CACNA1E: variants seen among roughly 807,000 people sequenced by gnomAD.
CACNA1E encodes voltage-dependent R-type calcium channel subunit alpha-1E.
CACNA1E carries 40 observed loss-of-function variants against 259.2 expected under a neutral mutation model. That is an observed-to-expected ratio of 0.15 (90% CI 0.12 to 0.20). The LOEUF is 0.20. CACNA1E is among the 10% of genes least tolerant of loss of function. The pLI, the probability that CACNA1E is intolerant of heterozygous loss-of-function variation, is 1.00. For synonymous variants in CACNA1E, 1,104 were observed against 1,138.5 expected (o/e 0.97, Z 0.61); for missense variants, 1,874 against 3,040.1 (o/e 0.62, Z 9.02).
intron 2 of CACNA1E, among the ~76,000 whole-genome samples, chr1:181,465,017 C>T (rs1334712827): frequency 6.6e-6 from 1 of 152,038 alleles, no homozygotes; most frequent in African/African-American, 2.4e-5. Context: ...TCTTTTCTTC[C>T]ATTTAAATTT....
chr1:181,318,640 G>T (rs1650101050), intron 1 of CACNA1E, among the ~76,000 whole-genome samples: 1 of 152,226 alleles, frequency 6.6e-6, no homozygotes, highest in Non-Finnish European at 1.5e-5. Flanking sequence ...GGGAAGTTTT[G>T]TGCGCGGATC....
intron 1 of CACNA1E, among the ~76,000 whole-genome samples, chr1:181,504,701 G>T (rs1000790597): frequency 7.2e-5 from 11 of 152,232 alleles, no homozygotes; most frequent in Non-Finnish European, 1.3e-4. Flanking sequence ...TGTGCTTCAA[G>T]AAGGAAATGA....
chr1:181,774,882 A>G (rs1659839342), intron 37 of CACNA1E, among the ~76,000 whole-genome samples: 1 of 152,258 alleles, frequency 6.6e-6, no homozygotes, highest in Non-Finnish European at 1.5e-5. Flanking sequence ...TACAAGAGAC[A>G]GAAAGCCCAG....
At position 181,324,254 on chromosome 1, in the gene CACNA1E, A is replaced by G. The variant is rs528649106; in HGVS notation, c.-15+6131A>G. Among the ~76,000 whole-genome samples, 12 of 152,362 alleles carry G rather than the reference A, an allele frequency of 7.9e-5. No individual in the cohort carries two copies. The South Asian group carries it at 2.5e-3, about 32-fold the overall frequency. ...AAACCATACATAGATAAGTAGATTT[A>G]GAAAAAAAATCAGACCGTAATGAAT... On this transcript the variant is annotated intron_variant, in intron 1 of 11. Coordinates refer to the CACNA1E transcript ENST00000524607.
chr1:181,635,114 T>C (rs1011291220), intron 6 of CACNA1E, among the ~76,000 whole-genome samples: 10 of 152,244 alleles, frequency 6.6e-5, no homozygotes, highest in African/African-American at 2.4e-4. Flanking sequence ...ACCTTTATGC[T>C]ATGAAGCAGC....
chr1:181,777,565 T>A, intron 38 of CACNA1E, among the ~76,000 whole-genome samples: 1 of 152,192 alleles, frequency 6.6e-6, no homozygotes, highest in Admixed American at 6.5e-5. Context: ...AATAAATAGA[T>A]CTTAGAAAGC....
chr1:181,601,008 G>A (rs1274690099), intron 6 of CACNA1E, among the ~76,000 whole-genome samples: 1 of 152,034 alleles, frequency 6.6e-6, no homozygotes, highest in Non-Finnish European at 1.5e-5. Flanking sequence ...ATCTTCTCTT[G>A]GGGCTATTTC....
chr1:181,738,465 G>C, intron 24 of CACNA1E, 39 bp downstream of exon 24: 1 of 1,519,120 alleles, frequency 6.6e-7, no homozygotes, highest in Non-Finnish European at 9.1e-7. Context: ...CTTGGGTTTA[G>C]ATGGGTCACC....
chr1:181,418,612 A>G (rs1176349551), intron 2 of CACNA1E, among the ~76,000 whole-genome samples: 1 of 152,190 alleles, frequency 6.6e-6, no homozygotes, highest in South Asian at 2.1e-4. Flanking sequence ...CATGTCTAAC[A>G]TCAAAATATT....
At chr1:181,611,628 G>A (rs1654761011) in intron 6 of CACNA1E, among the ~76,000 whole-genome samples, 1 of 152,068 alleles carries the variant, frequency 6.6e-6, no homozygotes, top group African/African-American at 2.4e-5. Flanking sequence ...ACCTCCAGAG[G>A]CCCTATCCCA....
chr1:181,522,322 C>T (rs1312707504), intron 3 of CACNA1E, among the ~76,000 whole-genome samples: 1 of 152,150 alleles, frequency 6.6e-6, no homozygotes, highest in Non-Finnish European at 1.5e-5. Context: ...GTCCCTGGCC[C>T]TCTGAGATTA....
intron 43 of CACNA1E, among the ~76,000 whole-genome samples, chr1:181,787,441 C>T (rs1660940483): frequency 6.6e-6 from 1 of 152,104 alleles, no homozygotes; most frequent in Admixed American, 6.5e-5. Flanking sequence ...GGGATACCAC[C>T]CCCTAAATTG....
intron 44 of CACNA1E, among the ~76,000 whole-genome samples, chr1:181,791,799 C>T (rs1661336561): frequency 2.0e-5 from 3 of 152,172 alleles, no homozygotes. Flanking sequence ...CTCTTCTCTC[C>T]CCTTCATTTC....
intron 47 of CACNA1E, among the ~76,000 whole-genome samples, chr1:181,797,339 A>C (rs1361121189): frequency 2.0e-5 from 3 of 152,152 alleles, no homozygotes; most frequent in Non-Finnish European, 4.4e-5. Flanking sequence ...GTGCCTAAGG[A>C]ATAACTATCA....
At chr1:181,607,456 C>A (rs995061566) in intron 6 of CACNA1E, among the ~76,000 whole-genome samples, 2 of 152,142 alleles carry the variant, frequency 1.3e-5, no homozygotes, top group African/African-American at 2.4e-5. Context: ...TAGGTGGATG[C>A]ACCTTCCTCC....
chr1:181,770,566 C>T (rs1659417061), intron 35 of CACNA1E, among the ~76,000 whole-genome samples: 1 of 152,196 alleles, frequency 6.6e-6, no homozygotes, highest in African/African-American at 2.4e-5. Context: ...GCCCAGTTGG[C>T]CCGACTTTCT....
chr1:181,745,969 C>T (rs1487603954), intron 25 of CACNA1E, among the ~76,000 whole-genome samples: 2 of 152,050 alleles, frequency 1.3e-5, no homozygotes, highest in African/African-American at 2.4e-5. Context: ...AAAAGGCTCT[C>T]GGGAGTGTGT....
chr1:181,413,975 C>A (rs1476217965), intron 2 of CACNA1E, among the ~76,000 whole-genome samples: 1 of 152,240 alleles, frequency 6.6e-6, no homozygotes, highest in East Asian at 1.9e-4. Context: ...CTGCAGCTAA[C>A]CCTGCCTTTT....
intron 2 of CACNA1E, among the ~76,000 whole-genome samples, chr1:181,459,469 G>A (rs1661669184): frequency 6.6e-6 from 1 of 152,242 alleles, no homozygotes; most frequent in Admixed American, 6.5e-5. Context: ...ACGCTGGCCA[G>A]TGCCAAGTAA....
Sources: gnomAD v4.1 joint callset for allele counts (sites outside exome capture counted in the v4.1 genomes callset) on GRCh38, gnomAD v4.1.1 for gene constraint, MANE v1.5 for transcripts, NCBI Gene and HGNC (gene_info 2026-07-23, HGNC 2026-07-21) for gene names.